Variants in PDE4B observed in about 807,000 individuals in gnomAD.
The protein encoded by PDE4B is phosphodiesterase 4B.
PDE4B carries 20 observed loss-of-function variants against 82.2 expected under a neutral mutation model. The ratio of observed to expected loss-of-function variants is 0.24; its 90% CI spans 0.17 to 0.35. The LOEUF is 0.35. Ranked by LOEUF, PDE4B falls within the 10% of genes least tolerant of loss-of-function variation. The probability of loss-of-function intolerance (pLI) is 1.00; values close to 1 mark genes in which losing one functional copy is unlikely to be tolerated. For synonymous variants in PDE4B, 320 were observed against 318.9 expected, an observed-to-expected ratio of 1.00 and a Z score of -0.04; for missense variants, 655 against 907.2, an observed-to-expected ratio of 0.72 and a Z score of 3.57.
chr1:66,116,291 A>T (rs1645592322), intron 3 of PDE4B, among the ~76,000 whole-genome samples: 2 of 152,082 alleles, frequency 1.3e-5, no homozygotes, highest in African/African-American at 2.4e-5. Context: ...GTTTATATTT[A>T]GGAAAGGGTC....
intron 1 of PDE4B, among the ~76,000 whole-genome samples, chr1:65,908,546 A>G (rs1001594070): frequency 1.3e-5 from 2 of 152,194 alleles, no homozygotes; most frequent in African/African-American, 4.8e-5. Flanking sequence ...GTATCTATAC[A>G]TTTAGTATAC....
chr1:65,859,058 A>G (rs563644330), intron 1 of PDE4B, among the ~76,000 whole-genome samples: 2 of 152,242 alleles, frequency 1.3e-5, no homozygotes, highest in Admixed American at 1.3e-4. Context: ...ACCTTCAGAT[A>G]TTTGTGTGTT....
chr1:66,177,151 C>T (rs1267141511), intron 3 of PDE4B, among the ~76,000 whole-genome samples: 3 of 152,110 alleles, frequency 2.0e-5, no homozygotes, highest in African/African-American at 7.2e-5. Flanking sequence ...AAAACAAATG[C>T]AAATGAATGG....
chr1:66,024,569 G>T (rs763015745), intron 3 of PDE4B, among the ~76,000 whole-genome samples: 3 of 152,042 alleles, frequency 2.0e-5, no homozygotes, highest in Admixed American at 6.6e-5. Flanking sequence ...CAATTCATAC[G>T]TTTATTCAAC....
chr1:66,158,049 T>A (rs1484647687), intron 3 of PDE4B, among the ~76,000 whole-genome samples: 1 of 152,186 alleles, frequency 6.6e-6, no homozygotes, highest in African/African-American at 2.4e-5. Context: ...GACATCAGCA[T>A]CATCTCCATT....
At chr1:66,052,718 G>C (rs945150514) in intron 3 of PDE4B, among the ~76,000 whole-genome samples, 1 of 152,112 alleles carries the variant, frequency 6.6e-6, no homozygotes, top group Non-Finnish European at 1.5e-5. Context: ...TATAGAGAGA[G>C]CACCTATAAC....
chr1:66,272,803 T>C (rs1655602862), intron 7 of PDE4B, among the ~76,000 whole-genome samples: 1 of 144,322 alleles, frequency 6.9e-6, no homozygotes, highest in Non-Finnish European at 1.5e-5. Context: ...TTTTTTTTTT[T>C]TGGAGGGACG....
intron 7 of PDE4B, among the ~76,000 whole-genome samples, chr1:66,287,241 G>A (rs1220856913): frequency 6.6e-6 from 1 of 152,060 alleles, no homozygotes; most frequent in African/African-American, 2.4e-5. Flanking sequence ...CAAACAATTC[G>A]ATCTCACTCT....
chr1:65,863,904 C>T (rs538585729), intron 1 of PDE4B, among the ~76,000 whole-genome samples: 77 of 152,212 alleles, frequency 5.1e-4, no homozygotes, highest in African/African-American at 1.7e-3. Context: ...GTCTTTGCCA[C>T]GAAATGGGTC....
chr1:65,913,716 C>T (rs1647124036), intron 2 of PDE4B, among the ~76,000 whole-genome samples: 1 of 152,162 alleles, frequency 6.6e-6, no homozygotes, highest in South Asian at 2.1e-4. Flanking sequence ...ACAGCTAACC[C>T]TTGAAAGTCA....
intron 3 of PDE4B, among the ~76,000 whole-genome samples, chr1:66,124,782 G>A (rs898940203): frequency 6.6e-6 from 1 of 152,152 alleles, no homozygotes; most frequent in Admixed American, 6.5e-5. Context: ...CTGTCTGGGT[G>A]CAATTTACGT....
intron 1 of PDE4B, among the ~76,000 whole-genome samples, chr1:65,838,852 T>A (rs529140208): frequency 1.3e-5 from 2 of 152,224 alleles, no homozygotes; most frequent in African/African-American, 2.4e-5. Flanking sequence ...TTAATTATTC[T>A]TACTGATTCA....
chr1:66,050,279 C>T (rs1012302344), intron 3 of PDE4B, among the ~76,000 whole-genome samples: 1 of 151,912 alleles, frequency 6.6e-6, no homozygotes, highest in Admixed American at 6.6e-5. Context: ...TCTATTGTAT[C>T]GGTGGCCAGT....
At chr1:66,079,837 G>C (rs972171960) in intron 3 of PDE4B, among the ~76,000 whole-genome samples, 1 of 152,096 alleles carries the variant, frequency 6.6e-6, no homozygotes, top group African/African-American at 2.4e-5. Flanking sequence ...AAATTGTGAA[G>C]TAGTCTTTCC....
chr1:65,968,811 G>A (rs764629137), intron 3 of PDE4B, among the ~76,000 whole-genome samples: 19 of 152,006 alleles, frequency 1.2e-4, no homozygotes, highest in African/African-American at 4.1e-4. Flanking sequence ...TAAACTGACC[G>A]TTTGAAGGAA....
intron 3 of PDE4B, among the ~76,000 whole-genome samples, chr1:65,933,433 C>A (rs781190002): frequency 2.6e-5 from 4 of 152,188 alleles, no homozygotes; most frequent in Non-Finnish European, 4.4e-5. Context: ...TGGCTCATGC[C>A]TGTAATCCCA....
chr1:66,000,884 G>A (rs2489910), intron 3 of PDE4B, among the ~76,000 whole-genome samples: 149,328 of 152,230 alleles, frequency 0.98, 73,296 homozygotes, highest in Middle Eastern at 1. Flanking sequence ...TGATCTAGGA[G>A]CCATTTGGAG....
At chr1:65,963,128 A>G (rs528525985) in intron 3 of PDE4B, among the ~76,000 whole-genome samples, 1 of 152,248 alleles carries the variant, frequency 6.6e-6, no homozygotes, top group South Asian at 2.1e-4. Context: ...GCTCCCGTAC[A>G]CCACTGGATG....
At chr1:65,932,576 T>C (rs1647899718) in intron 3 of PDE4B, among the ~76,000 whole-genome samples, 1 of 151,844 alleles carries the variant, frequency 6.6e-6, no homozygotes, top group African/African-American at 2.4e-5. Context: ...AAAAATAACA[T>C]GGAAATGGAT....
Sources: allele counts gnomAD v4.1 joint callset (sites outside exome capture counted in the v4.1 genomes callset), GRCh38; gene constraint gnomAD v4.1.1; transcripts MANE v1.5; gene names NCBI Gene and HGNC (gene_info 2026-07-23, HGNC 2026-07-21).